TRAF3IP1: variants seen among roughly 807,000 people sequenced by gnomAD.
TRAF3IP1 encodes intraflagellar transport 54.
TRAF3IP1 carries 53 observed loss-of-function variants against 89.9 expected under a neutral mutation model. The observed-to-expected ratio is 0.59, with a 90% CI of 0.47 to 0.74. The LOEUF is 0.74. Ranked by LOEUF, TRAF3IP1 falls within the 30% of genes least tolerant of loss-of-function variation. TRAF3IP1 has a pLI of 0.00. For missense variants in TRAF3IP1, 806 were observed against 866.1 expected (o/e 0.93, Z 0.87); for synonymous variants, 311 against 322.1 (o/e 0.97, Z 0.37).
intron 15 of TRAF3IP1, among the ~76,000 whole-genome samples, chr2:238,380,580 A>G (rs1324910970): frequency 6.6e-6 from 1 of 152,110 alleles, no homozygotes; most frequent in African/African-American, 2.4e-5. Context: ...GAGCATGTGG[A>G]TGGACTTGGA....
At position 238,384,337 on chromosome 2, in the gene TRAF3IP1, G is replaced by GATATATGT. The variant is rs1553619338; in HGVS notation, c.1690-13120_1690-13119insATATGTAT. ...TTTCTAATCTGTCCAGAATCAACCT[G>GATATATGT]ATGTATGTATGTATGTATGTATGTA... On this transcript the variant is annotated intron_variant, in intron 15 of 16. Transcript: ENST00000373327. Among the ~76,000 whole-genome samples the GATATATGT allele has an allele frequency of 1.2e-4, 17 of 139,728 alleles. 1 individual carries two copies. Among genetic ancestry groups the GATATATGT allele is most frequent in the African/African-American group, 4.5e-4 (17 of 37,384 alleles). The allele number at this position is 139,728 out of a possible 152,430, so 91.7% of individuals were successfully genotyped here.
At chr2:238,336,899 G>A (rs1698413566) in intron 7 of TRAF3IP1, among the ~76,000 whole-genome samples, 1 of 151,996 alleles carries the variant, frequency 6.6e-6, no homozygotes, top group Non-Finnish European at 1.5e-5. Context: ...AATGTTGAGA[G>A]TTGAAAGCTT....
At chr2:238,356,465 C>T (rs1391941246) in intron 15 of TRAF3IP1, among the ~76,000 whole-genome samples, 1 of 152,224 alleles carries the variant, frequency 6.6e-6, no homozygotes, top group South Asian at 2.1e-4. Context: ...CCACGGCACT[C>T]CAGCCTGGGC....
chr2:238,355,885 T>G, intron 14 of TRAF3IP1, 119 bp from the exon 15 acceptor site: 1 of 722,868 alleles, frequency 1.4e-6, no homozygotes, highest in Non-Finnish European at 2.4e-6. Context: ...TTGAAACTGT[T>G]TCAGCATAAA....
Position 238,320,563 on chromosome 2 carries a change from GC to G in TRAF3IP1, c.-99del, listed in dbSNP as rs368022925. On this transcript the variant is annotated 5_prime_UTR_variant, in exon 1 of 17. The change abolishes the stop of an existing upstream ORF in the 5' untranslated region. Coordinates refer to ENST00000373327, the MANE Select transcript of TRAF3IP1 (RefSeq NM_015650.4). ...GAGCGGCGCGTCCTGGCAGGACCGG[GC>G]GGCGGCGGCGGCGGGGCCGGCGGCG... 80,420 of 980,564 alleles carry G rather than the reference GC, an allele frequency of 0.082. 3,436 individuals carry two copies. The highest frequency in any genetic ancestry group is 0.089 in the Middle Eastern group (181 of 2,034). 60.7% of individuals were successfully genotyped at this position (980,564 alleles called of 1,614,324 possible). A position where few individuals can be genotyped will look rare whatever the true frequency, so the allele number is the denominator to read the frequency against.
intron 9 of TRAF3IP1, among the ~76,000 whole-genome samples, chr2:238,344,866 G>A (rs887642722): frequency 1.3e-5 from 2 of 152,212 alleles, no homozygotes; most frequent in Non-Finnish European, 2.9e-5. Context: ...GGTGTCATGA[G>A]TGGTCCCTGA....
At chr2:238,371,624 G>T (rs565660789) in intron 15 of TRAF3IP1, among the ~76,000 whole-genome samples, 81 of 152,272 alleles carry the variant, frequency 5.3e-4, no homozygotes, top group African/African-American at 1.9e-3. Flanking sequence ...CCAGCGCAGT[G>T]GCCACTCGCC....
chr2:238,365,236 C>T (rs780760301), intron 15 of TRAF3IP1, among the ~76,000 whole-genome samples: 4 of 152,126 alleles, frequency 2.6e-5, no homozygotes, highest in Admixed American at 1.3e-4. Flanking sequence ...CAGAAAAATG[C>T]TATTCAGAAT....
At chr2:238,366,122 C>T (rs1574946502) in intron 15 of TRAF3IP1, among the ~76,000 whole-genome samples, 1 of 152,042 alleles carries the variant, frequency 6.6e-6, no homozygotes, top group African/African-American at 2.4e-5. Flanking sequence ...GTCCCAGCTA[C>T]TCGGGAGGCT....
intron 15 of TRAF3IP1, among the ~76,000 whole-genome samples, chr2:238,370,253 G>A (rs1184636997): frequency 6.8e-6 from 1 of 147,706 alleles, no homozygotes; most frequent in Non-Finnish European, 1.5e-5. Flanking sequence ...GTGTATATAT[G>A]TGTGTGCATG....
At chr2:238,356,414 T>A (rs1699409853) in intron 15 of TRAF3IP1, among the ~76,000 whole-genome samples, 2 of 152,108 alleles carry the variant, frequency 1.3e-5, no homozygotes, top group African/African-American at 2.4e-5. Context: ...GGAGAATCGC[T>A]TGAACCTGGG....
In TRAF3IP1 at chr2:238,348,769, G is replaced by C. The variant is rs1305440412; in HGVS notation, c.1288G>C (p.Asp430His). 6.2e-7 allele frequency: 1 copy of C among 1,614,022 alleles called. No individual in the cohort carries two copies. The highest frequency in any genetic ancestry group is 1.7e-5 in the Admixed American group (1 of 60,012). ...KGDSTSDAEGDAGPAGQDKSE... is the reference protein window; with the variant it reads ...KGDSTSDAEGHAGPAGQDKSE... ...ATTGATTGTCATTTGTTTAGAAGGA[G>C]ATGCTGGACCTGCTGGCCAAGATAA... Residue 430 changes from aspartate (D) to histidine (H), a missense_variant, in exon 11 of 17, where the codon GAT becomes CAT. Around this residue, in one of 3 missense-constraint regions of TRAF3IP1, gnomAD observed 732 missense variants for 780.5 expected, o/e 0.94. Coordinates refer to ENST00000373327, the MANE Select transcript of TRAF3IP1 (RefSeq NM_015650.4).
Position 238,325,726 on chromosome 2 carries a change from T to A in TRAF3IP1, c.193-83T>A, listed in dbSNP as rs187206866. On this transcript the variant is annotated intron_variant, in intron 2 of 16. Coordinates refer to ENST00000373327, the MANE Select transcript of TRAF3IP1 (RefSeq NM_015650.4). Reference sequence around the variant, plus strand: ...CAGCTTTGTATGTAAACAGAAACTATCCTATGCCTGGTAAACATACAGAAG... The same window carrying A: ...CAGCTTTGTATGTAAACAGAAACTAACCTATGCCTGGTAAACATACAGAAG... 6.9e-4 allele frequency: 932 copies of A among 1,346,402 alleles called. 3 individuals carry two copies. The highest frequency in any genetic ancestry group is 8.6e-4 in the Non-Finnish European group (839 of 971,690). The allele number at this position is 1,346,402 out of a possible 1,614,324, so 83.4% of individuals were successfully genotyped here. A position where few individuals can be genotyped will look rare whatever the true frequency, so the allele number is the denominator to read the frequency against.
At chr2:238,367,279 A>C (rs1364823603) in intron 15 of TRAF3IP1, among the ~76,000 whole-genome samples, 1 of 150,770 alleles carries the variant, frequency 6.6e-6, no homozygotes, top group East Asian at 2.0e-4. Context: ...GAAGTGTAGG[A>C]GGTATCTGGA....
intron 11 of TRAF3IP1, 35 bp from the exon 12 acceptor site, chr2:238,349,290 T>A: frequency 6.3e-7 from 1 of 1,597,050 alleles, no homozygotes; most frequent in East Asian, 2.2e-5. Flanking sequence ...AAGCCTTTCA[T>A]ACTCCTTTTT....
chr2:238,374,574 A>G (rs1357316591), intron 15 of TRAF3IP1, among the ~76,000 whole-genome samples: 2 of 152,172 alleles, frequency 1.3e-5, no homozygotes, highest in Non-Finnish European at 2.9e-5. Flanking sequence ...CATCACGGAT[A>G]TTGGTCTAAA....
chr2:238,325,290 T>C lies in TRAF3IP1; in HGVS notation c.124-16T>C. 2 of 1,614,060 alleles carry C rather than the reference T, an allele frequency of 1.2e-6. No individual in the cohort carries two copies. Among genetic ancestry groups the C allele is most frequent in the Non-Finnish European group, 1.7e-6 (2 of 1,179,908 alleles). On this transcript the variant is annotated splice_polypyrimidine_tract_variant and intron_variant, in intron 1 of 16. Transcript: ENST00000373327. ...GTCTGTGAGGTGACATGGTGGCCTT[T>C]CTTTCTCTCTTGAAGGTGATTAGAA...
intron 10 of TRAF3IP1, among the ~76,000 whole-genome samples, chr2:238,348,220 A>C (rs1698990328): frequency 6.6e-6 from 1 of 152,156 alleles, no homozygotes; most frequent in East Asian, 1.9e-4. Flanking sequence ...AAAAAGAACA[A>C]AAATTAAAAG....
chr2:238,336,782 G>A (rs1279717553), intron 7 of TRAF3IP1, among the ~76,000 whole-genome samples: 2 of 152,110 alleles, frequency 1.3e-5, no homozygotes, highest in Non-Finnish European at 2.9e-5. Context: ...AGTGAAAATA[G>A]TCTTTCCCCT....
Sources: allele counts gnomAD v4.1 joint callset (sites outside exome capture counted in the v4.1 genomes callset), GRCh38; gene constraint gnomAD v4.1.1; regional missense constraint gnomAD v4.1.1; transcripts MANE v1.5; gene names NCBI Gene and HGNC (gene_info 2026-07-23, HGNC 2026-07-21).